TMEM114: variants seen among roughly 807,000 people sequenced by gnomAD.
TMEM114 encodes the protein claudin-26.
A neutral mutation model predicts 6.2 loss-of-function variants in TMEM114; 6 were observed. That is an observed-to-expected ratio of 0.97 (90% confidence interval 0.53 to 1.91). TMEM114 has a LOEUF of 1.91. Among genes scored for constraint, TMEM114 ranks in the 40% most tolerant of loss-of-function variants. TMEM114 has a pLI of 0.01. For missense variants in TMEM114, 218 were observed against 158.3 expected, an observed-to-expected ratio of 1.38 and a Z score of -2.02; for synonymous variants, 104 against 73.0, an observed-to-expected ratio of 1.42 and a Z score of -2.16.
chr16:8,543,038 T>A (rs924813024), intron 2 of TMEM114, among the ~76,000 whole-genome samples: 2 of 152,080 alleles, frequency 1.3e-5, no homozygotes, highest in Non-Finnish European at 2.9e-5. Flanking sequence ...AACACGAAAA[T>A]AGACAAGAAT....
At chr16:8,534,938 A>G (rs1248310508), downstream of TMEM114, among the ~76,000 whole-genome samples, 1 of 152,242 alleles carries the variant, frequency 6.6e-6, no homozygotes, top group Non-Finnish European at 1.5e-5. Context: ...TCCCTGTGCA[A>G]GTTCAGAGAA....
chr16:8,577,968 T>A (rs1901999470), intron 2 of TMEM114, among the ~76,000 whole-genome samples: 1 of 152,174 alleles, frequency 6.6e-6, no homozygotes. Context: ...CCAAGCCCTG[T>A]CCTAGGGCCT....
chr16:8,530,442 C>T, the TMEM114 span, among the ~76,000 whole-genome samples: 1 of 152,074 alleles, frequency 6.6e-6, no homozygotes, highest in Non-Finnish European at 1.5e-5. Flanking sequence ...CTCCCATAAT[C>T]TAATCTGGGA....
At chr16:8,555,836 G>C (rs1900992355) in intron 2 of TMEM114, among the ~76,000 whole-genome samples, 1 of 152,196 alleles carries the variant, frequency 6.6e-6, no homozygotes, top group African/African-American at 2.4e-5. Context: ...ACAGAAGGAA[G>C]CTCCCAAGAA....
At chr16:8,540,551 T>G (rs1396002862) in intron 2 of TMEM114, among the ~76,000 whole-genome samples, 1 of 152,204 alleles carries the variant, frequency 6.6e-6, no homozygotes, top group Admixed American at 6.5e-5. Flanking sequence ...CAAGGTTGGA[T>G]AGTCAATGAA....
chr16:8,551,123 G>A (rs1207766206), intron 2 of TMEM114, among the ~76,000 whole-genome samples: 1 of 152,188 alleles, frequency 6.6e-6, no homozygotes, highest in South Asian at 2.1e-4. Flanking sequence ...TCTGGCACTG[G>A]AGGATTTTTT....
the TMEM114 span, among the ~76,000 whole-genome samples, chr16:8,528,613 C>A: frequency 1.3e-5 from 2 of 152,314 alleles, no homozygotes; most frequent in African/African-American, 4.8e-5. Context: ...ACTCTGTTAA[C>A]ATAATGAGGG....
At chr16:8,549,487 CA>C (rs1900776369) in intron 2 of TMEM114, among the ~76,000 whole-genome samples, 1 of 113,292 alleles carries the variant, frequency 8.8e-6, no homozygotes, top group Non-Finnish European at 1.7e-5. Flanking sequence ...GCAACAAGAG[CA>C]AAACTCCGTC....
intron 2 of TMEM114, among the ~76,000 whole-genome samples, chr16:8,538,327 G>A (rs1201594065): frequency 6.6e-6 from 1 of 151,786 alleles, no homozygotes; most frequent in Non-Finnish European, 1.5e-5. Flanking sequence ...TTGCTCTGGA[G>A]GGGAAGCCAA....
chr16:8,537,651 C>T lies in TMEM114; in HGVS notation n.388G>A, dbSNP rs1900397488. Reference sequence around the variant, plus strand: ...TATGTATAGATTCTATTTTTCATAACCATGATAATATCATATGATATCATA... The same window carrying T: ...TATGTATAGATTCTATTTTTCATAATCATGATAATATCATATGATATCATA... On this transcript the variant is annotated non_coding_transcript_exon_variant, in exon 3 of 3. Coordinates refer to the TMEM114 transcript ENST00000623677. 2.0e-5 allele frequency: 3 copies of T among 152,248 alleles called. No homozygotes were observed. The South Asian group carries it at 6.2e-4, about 32-fold the overall frequency. 9.4% of individuals were successfully genotyped at this position (152,248 alleles called of 1,614,324 possible). A position where few individuals can be genotyped will look rare whatever the true frequency, so the allele number is the denominator to read the frequency against.
chr16:8,574,390 A>T (rs1901842725), intron 2 of TMEM114, among the ~76,000 whole-genome samples: 2 of 152,332 alleles, frequency 1.3e-5, no homozygotes, highest in Non-Finnish European at 2.9e-5. Context: ...GATGGTGATA[A>T]TCATAACTTG....
rs141881782 is a variant in TMEM114 at position 8,549,927 on chromosome 16, G to C, written n.213-12101C>G. 5.3e-3 allele frequency among the ~76,000 whole-genome samples: 803 copies of C among 152,320 alleles called. 5 individuals are homozygous for C. The highest frequency in any genetic ancestry group is 0.019 in the African/African-American group (775 of 41,564). On this transcript the variant is annotated intron_variant and non_coding_transcript_variant, in intron 2 of 2. Coordinates refer to the TMEM114 transcript ENST00000623677. The stretch of plus-strand genomic sequence containing the variant: ...TGCAAGCTGAGGGGTAAGGAAGCCA[G>C]TAGTGGCTCAGTCCGAGTCCCAAAA...
At chr16:8,561,094 A>C (rs546191763) in intron 2 of TMEM114, among the ~76,000 whole-genome samples, 2 of 152,262 alleles carry the variant, frequency 1.3e-5, no homozygotes, top group Admixed American at 1.3e-4. Context: ...TGATTCGATT[A>C]TCTCGCACAG....
At chr16:8,536,721 G>A (rs976286711), downstream of TMEM114, among the ~76,000 whole-genome samples, 4 of 151,800 alleles carry the variant, frequency 2.6e-5, no homozygotes, top group Non-Finnish European at 5.9e-5. Context: ...TTTTAATCAT[G>A]TACCAGGCAT....
chr16:8,552,527 C>T (rs975258568), intron 2 of TMEM114, among the ~76,000 whole-genome samples: 1 of 152,120 alleles, frequency 6.6e-6, no homozygotes, highest in African/African-American at 2.4e-5. Context: ...CACACACACA[C>T]ACAAAGATAA....
intron 2 of TMEM114, among the ~76,000 whole-genome samples, chr16:8,552,159 G>C (rs964943608): frequency 1.3e-5 from 2 of 151,332 alleles, no homozygotes; most frequent in Admixed American, 6.6e-5. Context: ...AGGATCACTT[G>C]AAGCCAGGAA....
chr16:8,567,983 G>A (rs555853799), downstream of TMEM114, among the ~76,000 whole-genome samples: 2 of 152,310 alleles, frequency 1.3e-5, no homozygotes, highest in South Asian at 2.1e-4. Context: ...CAGGGACGTC[G>A]CAGCAACGTC....
In TMEM114 at chr16:8,552,277, C is replaced by T. The variant is rs564502944; in HGVS notation, n.213-14451G>A. Among the ~76,000 whole-genome samples, 383 of 151,846 alleles carry T rather than the reference C, an allele frequency of 2.5e-3. 6 individuals are homozygous for T. Among genetic ancestry groups the T allele is most frequent in the Middle Eastern group, 0.014 (4 of 294 alleles). ...TGTGTGCCTATAGTCCCAGCTACTACGGGGGCTAAGGTGGGAGCATCACTT... is the reference window on the plus strand; with the variant it reads ...TGTGTGCCTATAGTCCCAGCTACTATGGGGGCTAAGGTGGGAGCATCACTT... On this transcript the variant is annotated intron_variant and non_coding_transcript_variant, in intron 2 of 2. Coordinates refer to the TMEM114 transcript ENST00000623677.
intron 2 of TMEM114, among the ~76,000 whole-genome samples, chr16:8,545,348 A>G (rs2141653080): frequency 6.6e-6 from 1 of 152,282 alleles, no homozygotes; most frequent in Admixed American, 6.5e-5. Flanking sequence ...AGGCAGGAGG[A>G]TTGCTTGAGC....
Sources: gnomAD v4.1 joint callset for allele counts (sites outside exome capture counted in the v4.1 genomes callset) on GRCh38, gnomAD v4.1.1 for gene constraint, MANE v1.5 for transcripts, NCBI Gene and HGNC (gene_info 2026-07-23, HGNC 2026-07-21) for gene names.